VPS39: variants seen among roughly 807,000 people sequenced by gnomAD.
VPS39 encodes the protein VPS39 subunit of HOPS complex.
Under a neutral mutation model 121.0 loss-of-function variants are expected in VPS39, and 70 were observed. That is an observed-to-expected ratio of 0.58 (90% CI 0.48 to 0.71). The LOEUF (loss-of-function observed/expected upper bound fraction) is 0.71, where lower values mean the gene tolerates loss of function less well. VPS39 is among the 30% of genes least tolerant of loss of function. The probability of loss-of-function intolerance (pLI) is 0.00; values close to 1 mark genes in which losing one functional copy is unlikely to be tolerated. For missense variants in VPS39, 818 were observed against 1,051.5 expected, an observed-to-expected ratio of 0.78 and a Z score of 3.07; for synonymous variants, 378 against 398.1, an observed-to-expected ratio of 0.95 and a Z score of 0.60.
intron 1 of VPS39, among the ~76,000 whole-genome samples, chr15:42,202,626 A>T (rs2050089749): frequency 6.6e-6 from 1 of 152,160 alleles, no homozygotes. Flanking sequence ...AATGTTCATC[A>T]TCTTCCCCAT....
chr15:42,203,745 T>C (rs1301193443), intron 1 of VPS39, among the ~76,000 whole-genome samples: 1 of 152,224 alleles, frequency 6.6e-6, no homozygotes, highest in Non-Finnish European at 1.5e-5. Flanking sequence ...ATCAACCTGA[T>C]TGATTACATG....
At chr15:42,173,271 AG>A in intron 11 of VPS39, among the ~76,000 whole-genome samples, 1 of 152,230 alleles carries the variant, frequency 6.6e-6, no homozygotes, top group Non-Finnish European at 1.5e-5. Context: ...GGCAGACCCC[AG>A]GGTACCTGCT....
intron 2 of VPS39, chr15:42,192,166 A>G: frequency 6.7e-7 from 1 of 1,495,364 alleles, no homozygotes; most frequent in Non-Finnish European, 9.0e-7. Flanking sequence ...GCTGGGGATG[A>G]CAAAAATATT....
At chr15:42,171,688 C>A (rs1368361077) in intron 11 of VPS39, among the ~76,000 whole-genome samples, 1 of 152,236 alleles carries the variant, frequency 6.6e-6, no homozygotes, top group African/African-American at 2.4e-5. Flanking sequence ...ACCATCACAC[C>A]ATCCATCTCC....
intron 11 of VPS39, among the ~76,000 whole-genome samples, chr15:42,170,770 T>TTTTTG (rs2049332485): frequency 1.4e-5 from 2 of 141,200 alleles, no homozygotes; most frequent in Non-Finnish European, 3.0e-5. Flanking sequence ...TTTTTTTTTT[T>TTTTTG]GAGACAGGGT....
chr15:42,190,985 A>T, intron 4 of VPS39, 140 bp downstream of exon 4: 1 of 865,522 alleles, frequency 1.2e-6, no homozygotes. Context: ...TGCCTTTATT[A>T]ACCATGTACC....
intron 6 of VPS39, 98 bp downstream of exon 6, chr15:42,187,660 T>C (rs1258899949): frequency 5.6e-6 from 6 of 1,072,620 alleles, no homozygotes; most frequent in Admixed American, 3.4e-5. Flanking sequence ...AGAGTATTCA[T>C]TTGCGTAGAA....
chr15:42,208,277 C>T lies in VPS39; in HGVS notation c.-124G>A, dbSNP rs1180370256. The T allele has an allele frequency of 2.2e-5, 28 of 1,276,522 alleles. No homozygotes were observed. Among genetic ancestry groups the T allele is most frequent in the Non-Finnish European group, 2.8e-5 (26 of 930,138 alleles). 79.1% of individuals were successfully genotyped at this position (1,276,522 alleles called of 1,614,324 possible). On this transcript the variant is annotated 5_prime_UTR_variant, in exon 1 of 25. Transcript: ENST00000318006. ...GCCAGGAACCCCCCGGCTACAGGCCCTTCAACAACACAGCCATCGTCAACC... is the reference window on the plus strand; with the variant it reads ...GCCAGGAACCCCCCGGCTACAGGCCTTTCAACAACACAGCCATCGTCAACC...
At position 42,208,202 on chromosome 15, in the gene VPS39, G is replaced by C. The variant is rs1221491061; in HGVS notation, c.-49C>G. ...CGCCGTCTCGCCCAGAGTGTTCCGGGCCGGGCTGGGGTCCGGAACGAGTCT... is the reference window on the plus strand; with the variant it reads ...CGCCGTCTCGCCCAGAGTGTTCCGGCCCGGGCTGGGGTCCGGAACGAGTCT... On this transcript the variant is annotated 5_prime_UTR_variant, in exon 1 of 25. Coordinates refer to ENST00000318006, the MANE Select transcript of VPS39 (RefSeq NM_015289.5). The C allele has an allele frequency of 1.3e-6, 2 of 1,551,824 alleles. No homozygotes were observed.
At chr15:42,163,227 A>G in intron 21 of VPS39, 123 bp downstream of exon 21, 1 of 1,204,934 alleles carries the variant, frequency 8.3e-7, no homozygotes, top group Non-Finnish European at 1.2e-6. Flanking sequence ...ACACACATGC[A>G]AGATCAATCA....
intron 19 of VPS39, among the ~76,000 whole-genome samples, 166 bp downstream of exon 19, chr15:42,164,192 G>A (rs777821309): frequency 1.3e-5 from 2 of 152,190 alleles, no homozygotes; most frequent in African/African-American, 2.4e-5. Context: ...TCTCAGTCAC[G>A]GTACAAAAGT....
chr15:42,201,354 T>C (rs537440820), intron 1 of VPS39, among the ~76,000 whole-genome samples: 4 of 152,198 alleles, frequency 2.6e-5, no homozygotes, highest in Non-Finnish European at 5.9e-5. Flanking sequence ...TTTTAAAAAA[T>C]GTTTATAGAG....
chr15:42,200,055 G>A (rs948678218), intron 1 of VPS39, 94 bp from the exon 2 acceptor site: 374 of 1,221,204 alleles, frequency 3.1e-4, no homozygotes, highest in Non-Finnish European at 3.7e-4. Flanking sequence ...TTTTTAGCTG[G>A]GGCTTGTAAT....
intron 11 of VPS39, among the ~76,000 whole-genome samples, chr15:42,170,627 T>C (rs1249993623): frequency 6.6e-6 from 1 of 151,862 alleles, no homozygotes; most frequent in Non-Finnish European, 1.5e-5. Flanking sequence ...AATATAAATA[T>C]GTGGGAAAAT....
chr15:42,174,208 C>G (rs1217849481), intron 10 of VPS39, among the ~76,000 whole-genome samples: 1 of 152,012 alleles, frequency 6.6e-6, no homozygotes, highest in Admixed American at 6.6e-5. Context: ...GATCATGCCA[C>G]TGCACTCCAG....
chr15:42,164,635 T>G, intron 18 of VPS39, 149 bp from the exon 19 acceptor site: 1 of 1,443,096 alleles, frequency 6.9e-7, no homozygotes, highest in Non-Finnish European at 9.0e-7. Flanking sequence ...TTCTTTTAGT[T>G]CATAGTCTCC....
intron 12 of VPS39, among the ~76,000 whole-genome samples, chr15:42,167,768 C>A (rs2049273591): frequency 1.3e-5 from 2 of 152,216 alleles, no homozygotes; most frequent in South Asian, 4.2e-4. Context: ...CATCTTAAAC[C>A]TAAAACAAGT....
intron 6 of VPS39, 123 bp from the exon 7 acceptor site, chr15:42,187,486 AG>A: frequency 1.2e-6 from 1 of 861,086 alleles, no homozygotes; most frequent in South Asian, 1.8e-5. Flanking sequence ...ACAATTCTAC[AG>A]GCACAAGGCC....
At chr15:42,166,046 T>C (rs1270410372) in intron 16 of VPS39, 113 bp downstream of exon 16, 5 of 1,170,726 alleles carry the variant, frequency 4.3e-6, no homozygotes, top group Non-Finnish European at 5.1e-6. Context: ...CCTTTCTTCA[T>C]GCACCAATGA....
Sources: gnomAD v4.1 joint callset for allele counts (sites outside exome capture counted in the v4.1 genomes callset) on GRCh38, gnomAD v4.1.1 for gene constraint, MANE v1.5 for transcripts, NCBI Gene and HGNC (gene_info 2026-07-23, HGNC 2026-07-21) for gene names.